RBFOX1: variants seen among roughly 807,000 people sequenced by gnomAD.
RBFOX1 encodes RNA binding protein fox-1 homolog 1.
A neutral mutation model predicts 57.7 loss-of-function variants in RBFOX1; 8 were observed. The ratio of observed to expected loss-of-function variants is 0.14; its 90% CI spans 0.08 to 0.25. The LOEUF (loss-of-function observed/expected upper bound fraction) is 0.25. Among genes scored for constraint, RBFOX1 ranks in the 10% least tolerant of loss-of-function variants. The probability of loss-of-function intolerance (pLI) is 1.00; values close to 1 mark genes in which losing one functional copy is unlikely to be tolerated. For synonymous variants in RBFOX1, 326 were observed against 222.4 expected, an observed-to-expected ratio of 1.47 and a Z score of -4.15; for missense variants, 611 against 548.5, an observed-to-expected ratio of 1.11 and a Z score of -1.14.
At chr16:6,107,283 G>C (rs1462917711) in intron 1 of RBFOX1, among the ~76,000 whole-genome samples, 2 of 152,018 alleles carry the variant, frequency 1.3e-5, no homozygotes, top group East Asian at 1.9e-4. Flanking sequence ...GAAAGGCTTG[G>C]AGTCTTCCTT....
chr16:6,888,995 C>T (rs1285666539), intron 3 of RBFOX1, among the ~76,000 whole-genome samples: 1 of 152,162 alleles, frequency 6.6e-6, no homozygotes, highest in African/African-American at 2.4e-5. Flanking sequence ...TAAGCCTGTC[C>T]TTCCACTTAG....
intron 4 of RBFOX1, among the ~76,000 whole-genome samples, chr16:7,499,265 A>C (rs2069796948): frequency 6.6e-6 from 1 of 152,146 alleles, no homozygotes; most frequent in Admixed American, 6.6e-5. Flanking sequence ...TGAGTTGTAG[A>C]AGCATCACCC....
At chr16:6,914,679 G>A (rs142889961) in intron 3 of RBFOX1, among the ~76,000 whole-genome samples, 1 of 152,196 alleles carries the variant, frequency 6.6e-6, no homozygotes, top group Admixed American at 6.5e-5. Context: ...TTCAAGATCA[G>A]CCTGGCCAAC....
intron 3 of RBFOX1, among the ~76,000 whole-genome samples, chr16:6,684,899 C>G (rs772985921): frequency 6.6e-6 from 1 of 152,138 alleles, no homozygotes; most frequent in Admixed American, 6.5e-5. Context: ...TCTATACATA[C>G]GAAGTCCTAG....
In RBFOX1 at chr16:6,787,317, G is replaced by A. The variant is rs539939101; in HGVS notation, c.-16+132667G>A. On this transcript the variant is annotated intron_variant, in intron 3 of 15. Transcript: ENST00000550418. ...AAGCCAGGTTGGTCCTGCCATGTTC[G>A]TGTATTCATCAATAACAGCACATAA... Among the ~76,000 whole-genome samples, 5 of 152,268 alleles carry A rather than the reference G, an allele frequency of 3.3e-5. No individual in the cohort carries two copies. The South Asian group carries it at 8.3e-4, about 25-fold the overall frequency.
In RBFOX1 at chr16:6,256,155, A is replaced by ATG. The variant is rs374449079; in HGVS notation, c.-126-60839_-126-60838insGT. The stretch of plus-strand genomic sequence containing the variant: ...TATATATATGTGTGTATATATATAT[A>ATG]TATGTATATATATATGTATATATAT... On this transcript the variant is annotated intron_variant, in intron 1 of 15. Transcript: ENST00000550418. 1.8e-3 allele frequency among the ~76,000 whole-genome samples: 67 copies of ATG among 36,858 alleles called. 6 individuals are homozygous for ATG. The highest frequency in any genetic ancestry group is 0.011 in the Middle Eastern group (1 of 88). The allele number at this position is 36,858 out of a possible 152,430, so 24.2% of individuals were successfully genotyped here.
At position 7,029,204 on chromosome 16, in the gene RBFOX1, G is replaced by A. The variant is rs528986985; in HGVS notation, c.-15-22853G>A. 1.3e-4 allele frequency among the ~76,000 whole-genome samples: 5 copies of A among 37,180 alleles called. 1 individual carries two copies. The highest frequency in any genetic ancestry group is 3.0e-4 in the Admixed American group (1 of 3,312). The allele number at this position is 37,180 out of a possible 152,430, so 24.4% of individuals were successfully genotyped here. A position where few individuals can be genotyped will look rare whatever the true frequency, so the allele number is the denominator to read the frequency against. On this transcript the variant is annotated intron_variant, in intron 3 of 15. Coordinates refer to ENST00000550418, the MANE Select transcript of RBFOX1 (RefSeq NM_018723.4). ...CGTGTATATATACACATATGTATAC[G>A]TATACGTATATATATACACACATAT...
chr16:5,586,701 A>T (rs2046840875), intron 2 of RBFOX1, among the ~76,000 whole-genome samples: 1 of 152,142 alleles, frequency 6.6e-6, no homozygotes, highest in South Asian at 2.1e-4. Context: ...AACTTGCTGT[A>T]TGGCACAGGC....
At chr16:7,117,660 T>G (rs2066206321) in intron 4 of RBFOX1, among the ~76,000 whole-genome samples, 1 of 152,240 alleles carries the variant, frequency 6.6e-6, no homozygotes, top group Admixed American at 6.5e-5. Context: ...CATAGCACAT[T>G]ACCACCTGCA....
chr16:6,806,781 CTTTCCT>C (rs1343717099), intron 3 of RBFOX1, among the ~76,000 whole-genome samples: 1 of 114,748 alleles, frequency 8.7e-6, no homozygotes, highest in African/African-American at 3.2e-5. Flanking sequence ...TTCTTTTTCT[CTTTCCT>C]TTTCATTTAT....
At chr16:6,965,519 T>C (rs2083941921) in intron 3 of RBFOX1, among the ~76,000 whole-genome samples, 2 of 152,104 alleles carry the variant, frequency 1.3e-5, no homozygotes, top group Admixed American at 1.3e-4. Context: ...GTATTTTTAG[T>C]AGAGGCAGGG....
chr16:6,809,734 G>C (rs144997950), intron 3 of RBFOX1, among the ~76,000 whole-genome samples: 83 of 152,234 alleles, frequency 5.5e-4, no homozygotes, highest in African/African-American at 1.9e-3. Context: ...CTTTCTCAGC[G>C]ACAGAGTTAT....
intron 4 of RBFOX1, among the ~76,000 whole-genome samples, chr16:7,327,462 A>G (rs1364162506): frequency 1.3e-5 from 2 of 152,230 alleles, no homozygotes; most frequent in South Asian, 2.1e-4. Flanking sequence ...TGTGTGAGTA[A>G]TTACATAATC....
chr16:7,574,345 T>C (rs375808208), intron 5 of RBFOX1, among the ~76,000 whole-genome samples: 1 of 152,150 alleles, frequency 6.6e-6, no homozygotes, highest in Non-Finnish European at 1.5e-5. Context: ...GATGTTTATG[T>C]AAAGGGGAAT....
intron 2 of RBFOX1, among the ~76,000 whole-genome samples, chr16:6,535,683 G>A (rs919665354): frequency 6.6e-6 from 1 of 152,134 alleles, no homozygotes; most frequent in Non-Finnish European, 1.5e-5. Flanking sequence ...CCTGACCCAT[G>A]GACATTTTTG....
intron 4 of RBFOX1, among the ~76,000 whole-genome samples, chr16:7,450,669 A>T (rs921872743): frequency 3.4e-4 from 51 of 152,204 alleles, no homozygotes; most frequent in Non-Finnish European, 2.9e-5. Context: ...ATTTAAAGTG[A>T]AAAGAAGGGT....
At chr16:5,484,837 G>A (rs2069669720) in intron 2 of RBFOX1, among the ~76,000 whole-genome samples, 1 of 151,444 alleles carries the variant, frequency 6.6e-6, no homozygotes, top group African/African-American at 2.4e-5. Context: ...ACTTGAACCA[G>A]GGAGCCAGAG....
chr16:6,950,840 C>G (rs967951574), intron 3 of RBFOX1, among the ~76,000 whole-genome samples: 1 of 152,056 alleles, frequency 6.6e-6, no homozygotes, highest in Non-Finnish European at 1.5e-5. Flanking sequence ...TCAGCTCTTT[C>G]TTTTTTCTTT....
chr16:7,357,812 C>T (rs1003037667), intron 4 of RBFOX1, among the ~76,000 whole-genome samples: 1 of 152,194 alleles, frequency 6.6e-6, no homozygotes, highest in Admixed American at 6.5e-5. Flanking sequence ...GCTCCTTCTC[C>T]CCTTCCTTAC....
Sources: gnomAD v4.1 joint callset for allele counts (sites outside exome capture counted in the v4.1 genomes callset) on GRCh38, gnomAD v4.1.1 for gene constraint, MANE v1.5 for transcripts, NCBI Gene and HGNC (gene_info 2026-07-23, HGNC 2026-07-21) for gene names.